TMEM272: variants seen among roughly 807,000 people sequenced by gnomAD.
The protein encoded by TMEM272 is transmembrane protein 272.
A neutral mutation model predicts 3.7 loss-of-function variants in TMEM272; 8 were observed. The ratio of observed to expected loss-of-function variants is 2.17; its 90% CI spans 1.27 to 3.91. TMEM272 has a LOEUF of 3.91. Among genes scored for constraint, TMEM272 ranks in the 30% most tolerant of loss-of-function variants. The probability of loss-of-function intolerance (pLI) is 0.00; values close to 1 mark genes in which losing one functional copy is unlikely to be tolerated. For missense variants in TMEM272, 166 were observed against 91.5 expected (o/e 1.81, Z -3.32); for synonymous variants, 63 against 39.8 (o/e 1.58, Z -2.20).
the TMEM272 span, among the ~76,000 whole-genome samples, chr13:51,883,918 T>G: frequency 3.3e-5 from 5 of 152,112 alleles, no homozygotes; most frequent in African/African-American, 1.2e-4. Context: ...ATATTCCAGC[T>G]TTCATCCATT....
chr13:51,853,879 T>C, the TMEM272 span, among the ~76,000 whole-genome samples: 1 of 152,228 alleles, frequency 6.6e-6, no homozygotes, highest in Non-Finnish European at 1.5e-5. Context: ...CCTTTGAGTA[T>C]TGGGATATGG....
At chr13:51,910,489 T>G in the TMEM272 span, 13 of 758,222 alleles carry the variant, frequency 1.7e-5, 1 homozygote. Context: ...GCTGCACATA[T>G]CACCAATTCC....
chr13:51,880,826 T>C, the TMEM272 span, among the ~76,000 whole-genome samples: 1 of 152,138 alleles, frequency 6.6e-6, no homozygotes, highest in Non-Finnish European at 1.5e-5. Flanking sequence ...GATAAAAGAC[T>C]ACAAATTGGG....
chr13:51,816,532 T>G lies in TMEM272; in HGVS notation c.*219A>C, dbSNP rs1485145378. 1.8e-5 allele frequency: 9 copies of G among 486,774 alleles called. No homozygotes were observed. The highest frequency in any genetic ancestry group is 3.3e-5 in the Non-Finnish European group (9 of 272,766). The allele number at this position is 486,774 out of a possible 1,614,324, so 30.2% of individuals were successfully genotyped here. A position where few individuals can be genotyped will look rare whatever the true frequency, so the allele number is the denominator to read the frequency against. On this transcript the variant is annotated 3_prime_UTR_variant, in exon 5 of 5. Transcript: ENST00000629372. ...ATTCCCACTCTGAAAAGAGCAGAAG[T>G]GATTTCCCCATGTCTAGGAAGGCAA...
chr13:51,926,354 C>T, the TMEM272 span, among the ~76,000 whole-genome samples: 3 of 152,186 alleles, frequency 2.0e-5, no homozygotes, highest in Non-Finnish European at 4.4e-5. Flanking sequence ...TCCAGCTCCA[C>T]AGCCCCCGTT....
the TMEM272 span, among the ~76,000 whole-genome samples, chr13:51,864,092 C>T: frequency 6.6e-6 from 1 of 150,478 alleles, no homozygotes; most frequent in Admixed American, 6.6e-5. Flanking sequence ...CCTTCCTTCC[C>T]TCCCTTCCTT....
At chr13:51,856,158 C>T in the TMEM272 span, among the ~76,000 whole-genome samples, 1 of 152,110 alleles carries the variant, frequency 6.6e-6, no homozygotes, top group Non-Finnish European at 1.5e-5. Context: ...GCACTGAGTC[C>T]ACATTTGGGT....
At chr13:51,877,465 C>T in the TMEM272 span, among the ~76,000 whole-genome samples, 1 of 152,150 alleles carries the variant, frequency 6.6e-6, no homozygotes, top group Non-Finnish European at 1.5e-5. Context: ...TTCTACTAAG[C>T]TATGTATTAA....
the TMEM272 span, among the ~76,000 whole-genome samples, chr13:51,923,853 A>G: frequency 6.6e-6 from 1 of 151,992 alleles, no homozygotes; most frequent in African/African-American, 2.4e-5. Context: ...GCTAGGAGGC[A>G]CTCTGGTTTC....
chr13:51,918,171 C>T, the TMEM272 span, among the ~76,000 whole-genome samples: 3 of 152,216 alleles, frequency 2.0e-5, no homozygotes, highest in South Asian at 2.1e-4. Flanking sequence ...ATGTTTCTCT[C>T]GAAGGCCCTC....
the TMEM272 span, among the ~76,000 whole-genome samples, chr13:51,852,879 T>TC: frequency 8.1e-6 from 1 of 123,250 alleles, no homozygotes; most frequent in Non-Finnish European, 1.6e-5. Context: ...CAAAACTCCG[T>TC]CAAAAAAAAA....
the TMEM272 span, among the ~76,000 whole-genome samples, chr13:51,925,628 C>T: frequency 1.3e-5 from 2 of 152,110 alleles, no homozygotes; most frequent in African/African-American, 4.8e-5. Flanking sequence ...TGTACCAGAG[C>T]CTTCCTTGGT....
the TMEM272 span, chr13:51,908,989 A>G: frequency 7.0e-5 from 100 of 1,436,762 alleles, no homozygotes; most frequent in Non-Finnish European, 9.6e-5. Flanking sequence ...AGCAAAGGTG[A>G]GAGTCTCAGT....
chr13:51,873,793 A>T, the TMEM272 span, among the ~76,000 whole-genome samples: 2 of 152,114 alleles, frequency 1.3e-5, no homozygotes, highest in Non-Finnish European at 2.9e-5. Context: ...TTCTACCTGT[A>T]CTTCCCCTGG....
chr13:51,860,660 TAAAGG>T, the TMEM272 span, among the ~76,000 whole-genome samples: 1 of 142,878 alleles, frequency 7.0e-6, no homozygotes, highest in Non-Finnish European at 1.5e-5. Context: ...AAAAAAGCAT[TAAAGG>T]AAAGAATTAA....
chr13:51,884,140 C>G, the TMEM272 span, among the ~76,000 whole-genome samples: 2 of 152,136 alleles, frequency 1.3e-5, no homozygotes, highest in Admixed American at 1.3e-4. Flanking sequence ...GAATGATGCA[C>G]CCTCAGGCCA....
chr13:51,926,930 T>TA, the TMEM272 span, among the ~76,000 whole-genome samples: 1 of 152,160 alleles, frequency 6.6e-6, no homozygotes, highest in Non-Finnish European at 1.5e-5. Flanking sequence ...AAAACACTGT[T>TA]ATTCAGAAAA....
chr13:51,865,182 CAT>C, the TMEM272 span: 11 of 521,180 alleles, frequency 2.1e-5, no homozygotes, highest in South Asian at 3.8e-5. Flanking sequence ...GACCACCCCA[CAT>C]GTTTTTCTAC....
the TMEM272 span, among the ~76,000 whole-genome samples, chr13:51,914,647 T>C: frequency 2.0e-5 from 3 of 152,234 alleles, no homozygotes; most frequent in Non-Finnish European, 4.4e-5. Context: ...TGAGTGGCAA[T>C]GGTTAATTGC....
Sources: allele counts gnomAD v4.1 joint callset (sites outside exome capture counted in the v4.1 genomes callset), GRCh38; gene constraint gnomAD v4.1.1; transcripts MANE v1.5; gene names NCBI Gene and HGNC (gene_info 2026-07-23, HGNC 2026-07-21).